NOCT: variants seen among roughly 807,000 people sequenced by gnomAD.
The protein encoded by NOCT is CCR4 carbon catabolite repression 4-like.
A neutral mutation model predicts 35.0 loss-of-function variants in NOCT; 18 were observed. The ratio of observed to expected loss-of-function variants is 0.51; its 90% CI spans 0.36 to 0.76. The LOEUF (loss-of-function observed/expected upper bound fraction) is 0.76. Among genes scored for constraint, NOCT ranks in the 30% least tolerant of loss-of-function variants. The pLI is 0.01. For synonymous variants in NOCT, 235 were observed against 226.3 expected (o/e 1.04, Z -0.34); for missense variants, 479 against 541.0 (o/e 0.89, Z 1.14).
chr4:139,045,090 C>T lies in NOCT; in HGVS notation c.912C>T (p.Leu304=), dbSNP rs773510297. ...TTCGATCAGCTCAAGGCTGTGACCT[C>T]CTTCAGAACCTGCAAAACATCACCC... ...ERFRSAQGCD[L]LQNLQNITQG... Residue 304 remains leucine, a synonymous_variant, in exon 3 of 3, where the codon CTC becomes CTT. Coordinates refer to ENST00000280614, the MANE Select transcript of NOCT (RefSeq NM_012118.4). The T allele has an allele frequency of 3.1e-6, 5 of 1,614,194 alleles. No individual in the cohort carries two copies. In the South Asian group the frequency reaches 4.4e-5, roughly 14 times the overall value.
intron 1 of NOCT, among the ~76,000 whole-genome samples, chr4:139,038,719 CTCA>C (rs748891674): frequency 3.3e-4 from 51 of 152,302 alleles, no homozygotes; most frequent in Non-Finnish European, 5.6e-4. Context: ...AGATGCTTTT[CTCA>C]TCCTGCCCCC....
chr4:139,040,253 G>A (rs1726812640), intron 1 of NOCT, among the ~76,000 whole-genome samples: 1 of 145,970 alleles, frequency 6.9e-6, no homozygotes, highest in South Asian at 2.2e-4. Flanking sequence ...TGTTAGCCAA[G>A]ATGGTCTCGA....
intron 1 of NOCT, among the ~76,000 whole-genome samples, chr4:139,039,722 G>T (rs1726800192): frequency 6.6e-6 from 1 of 151,572 alleles, no homozygotes; most frequent in African/African-American, 2.4e-5. Context: ...TTCATGTCTT[G>T]TATCTTTTTG....
chr4:139,020,423 T>C (rs1293874081), intron 1 of NOCT, among the ~76,000 whole-genome samples: 3 of 151,762 alleles, frequency 2.0e-5, no homozygotes, highest in African/African-American at 4.8e-5. Context: ...GAGGGTGTTT[T>C]GGAAGGGGAC....
In NOCT at chr4:139,043,347, T is replaced by C; in HGVS notation, c.460+4T>C. The C allele has an allele frequency of 1.9e-6, 3 of 1,610,918 alleles. No homozygotes were observed. Among genetic ancestry groups the C allele is most frequent in the Non-Finnish European group, 1.7e-6 (2 of 1,177,356 alleles). On this transcript the variant is annotated splice_donor_region_variant and intron_variant, in intron 2 of 2. Transcript: ENST00000280614. ...CAATGGAACATCCTCGCCCAAGGTA[T>C]GCTGGATGCTTTTGTGCCTCTGCAG...
intron 1 of NOCT, among the ~76,000 whole-genome samples, chr4:139,021,039 C>G (rs1726399469): frequency 6.8e-6 from 1 of 147,810 alleles, no homozygotes; most frequent in Non-Finnish European, 1.5e-5. Flanking sequence ...TGCACTCCAG[C>G]CTGGGCGACA....
chr4:139,033,377 A>AG, intron 1 of NOCT, among the ~76,000 whole-genome samples: 1 of 151,720 alleles, frequency 6.6e-6, no homozygotes, highest in East Asian at 1.9e-4. Context: ...AAAAAAAAAA[A>AG]GTTGAATGTT....
intron 1 of NOCT, among the ~76,000 whole-genome samples, chr4:139,042,252 A>G (rs2148647556): frequency 6.6e-6 from 1 of 151,926 alleles, no homozygotes. Flanking sequence ...TGTTTTTGGT[A>G]GAGGCAGGGT....
At chr4:139,044,484 A>G (rs1241766059) in intron 2 of NOCT, among the ~76,000 whole-genome samples, 155 bp from the exon 3 acceptor site, 1 of 152,220 alleles carries the variant, frequency 6.6e-6, no homozygotes, top group East Asian at 1.9e-4. Context: ...GAGGTGATTT[A>G]GTTTGGATGG....
chr4:139,017,644 A>G (rs1370633802), intron 1 of NOCT, among the ~76,000 whole-genome samples: 1 of 150,874 alleles, frequency 6.6e-6, no homozygotes, highest in Non-Finnish European at 1.5e-5. Flanking sequence ...ATCCTGGCCA[A>G]TGGGCTTGGG....
chr4:139,035,728 A>G (rs1175474451), intron 1 of NOCT, among the ~76,000 whole-genome samples: 1 of 152,170 alleles, frequency 6.6e-6, no homozygotes, highest in Non-Finnish European at 1.5e-5. Flanking sequence ...CATCTCTGAT[A>G]AAGGCCAAAG....
chr4:139,022,402 T>C (rs1726433941), intron 1 of NOCT, among the ~76,000 whole-genome samples: 1 of 152,114 alleles, frequency 6.6e-6, no homozygotes, highest in Non-Finnish European at 1.5e-5. Context: ...CTAAACAAAA[T>C]TGGTACCATC....
chr4:139,039,160 G>A (rs1726788726), intron 1 of NOCT, among the ~76,000 whole-genome samples: 1 of 36,080 alleles, frequency 2.8e-5, no homozygotes, highest in African/African-American at 1.1e-4. Context: ...ACACAGTGAA[G>A]ACTCCATTTC....
chr4:139,038,128 A>G (rs901659671), intron 1 of NOCT, among the ~76,000 whole-genome samples: 10 of 152,008 alleles, frequency 6.6e-5, no homozygotes, highest in African/African-American at 2.4e-4. Context: ...TGAGCCTGGG[A>G]GGTGGAGGTT....
intron 1 of NOCT, among the ~76,000 whole-genome samples, chr4:139,038,061 G>A (rs544078979): frequency 1.6e-4 from 25 of 152,046 alleles, no homozygotes; most frequent in African/African-American, 3.6e-4. Context: ...TTAGCCAGGC[G>A]TGGTAGAACA....
At chr4:139,023,974 T>C (rs530850910) in intron 1 of NOCT, among the ~76,000 whole-genome samples, 14 of 152,168 alleles carry the variant, frequency 9.2e-5, no homozygotes, top group Middle Eastern at 3.4e-3. Flanking sequence ...CTGTATTGTC[T>C]CTTGTTCTCA....
intron 1 of NOCT, among the ~76,000 whole-genome samples, chr4:139,020,844 A>G (rs910161545): frequency 6.6e-6 from 1 of 151,584 alleles, no homozygotes; most frequent in African/African-American, 2.4e-5. Flanking sequence ...GGTGCGGATC[A>G]CTTGAACTGA....
intron 1 of NOCT, among the ~76,000 whole-genome samples, chr4:139,024,045 CTTTTTTTTTT>C (rs368349308): frequency 7.6e-6 from 1 of 130,996 alleles, no homozygotes; most frequent in South Asian, 2.4e-4. Context: ...TCTATTCATC[CTTTTTTTTTT>C]TTTTTTTTTT....
rs1356581431 is a variant in NOCT, at chr4:139,043,309, T to C, written c.426T>C (p.Pro142=). 2.5e-6 allele frequency: 4 copies of C among 1,614,004 alleles called. No individual in the cohort carries two copies. Among genetic ancestry groups the C allele is most frequent in the South Asian group, 1.1e-5 (1 of 91,076 alleles). ...CAGATTGCCCTAGTACCCACCCACCTATCAGGGTTATGCAATGGAACATCC... is the reference window on the plus strand; with the variant it reads ...CAGATTGCCCTAGTACCCACCCACCCATCAGGGTTATGCAATGGAACATCC... ...LRTDCPSTHP[P]IRVMQWNILA... is the part of the protein sequence containing the mutation. The change falls in exon 2 of 3, where the codon CCT becomes CCC. Residue 142 remains proline (P), a synonymous_variant. Transcript: ENST00000280614.
Sources: gnomAD v4.1 joint callset for allele counts (sites outside exome capture counted in the v4.1 genomes callset) on GRCh38, gnomAD v4.1.1 for gene constraint, MANE v1.5 for transcripts, NCBI Gene and HGNC (gene_info 2026-07-23, HGNC 2026-07-21) for gene names.